Variants in DACH1 observed in about 807,000 individuals in gnomAD.
DACH1 encodes the protein dachshund family transcription factor 1, also known as dachshund homolog 1.
DACH1 carries 12 observed loss-of-function variants against 54.2 expected under a neutral mutation model. The observed-to-expected ratio is 0.22, with a 90% confidence interval of 0.14 to 0.36. The LOEUF (loss-of-function observed/expected upper bound fraction) is 0.36. Among genes scored for constraint, DACH1 ranks in the 10% least tolerant of loss-of-function variants. DACH1 has a pLI of 1.00. For missense variants in DACH1, 805 were observed against 929.8 expected, an observed-to-expected ratio of 0.87 and a Z score of 1.75; for synonymous variants, 386 against 366.2, an observed-to-expected ratio of 1.05 and a Z score of -0.62.
chr13:71,531,853 T>C (rs760118400), intron 6 of DACH1, among the ~76,000 whole-genome samples: 1 of 151,962 alleles, frequency 6.6e-6, no homozygotes, highest in African/African-American at 2.4e-5. Context: ...TTCGATCACA[T>C]TGAGTATTTA....
chr13:71,717,806 C>T (rs867397706), intron 1 of DACH1, among the ~76,000 whole-genome samples: 7 of 151,762 alleles, frequency 4.6e-5, no homozygotes, highest in African/African-American at 1.7e-4. Context: ...ATCATAAGCT[C>T]ATCAGTCAGA....
At chr13:71,773,284 T>C (rs1206024517) in intron 1 of DACH1, among the ~76,000 whole-genome samples, 1 of 151,942 alleles carries the variant, frequency 6.6e-6, no homozygotes, top group East Asian at 1.9e-4. Context: ...TGTTCTTTTA[T>C]CTAATGACAT....
chr13:71,698,512 T>C (rs1881945968), intron 1 of DACH1, among the ~76,000 whole-genome samples: 1 of 151,884 alleles, frequency 6.6e-6, no homozygotes, highest in African/African-American at 2.4e-5. Context: ...ATCTAAAAAT[T>C]CATTCTGAAG....
chr13:71,814,577 T>A (rs1328804524), intron 1 of DACH1, among the ~76,000 whole-genome samples: 1 of 152,234 alleles, frequency 6.6e-6, no homozygotes, highest in East Asian at 1.9e-4. Flanking sequence ...AATTAGATTG[T>A]AATGGACTCT....
At chr13:71,680,168 AT>A (rs1880812167) in intron 2 of DACH1, among the ~76,000 whole-genome samples, 1 of 152,326 alleles carries the variant, frequency 6.6e-6, no homozygotes. Flanking sequence ...GAAAAACATG[AT>A]TAAATAAAGT....
intron 1 of DACH1, among the ~76,000 whole-genome samples, chr13:71,725,587 G>T (rs1315154183): frequency 6.6e-6 from 1 of 151,796 alleles, no homozygotes; most frequent in East Asian, 1.9e-4. Context: ...GAATTATATT[G>T]CCATTTTATG....
At chr13:71,509,061 G>A (rs146079728) in intron 6 of DACH1, among the ~76,000 whole-genome samples, 2 of 152,198 alleles carry the variant, frequency 1.3e-5, no homozygotes, top group Non-Finnish European at 2.9e-5. Flanking sequence ...GTGTATAAAT[G>A]TACTATTAGT....
At chr13:71,518,544 A>G (rs1881331761) in intron 6 of DACH1, among the ~76,000 whole-genome samples, 1 of 151,872 alleles carries the variant, frequency 6.6e-6, no homozygotes, top group South Asian at 2.1e-4. Context: ...TTTTATAGCA[A>G]TTCCATTAGG....
In DACH1 at chr13:71,866,663, G is replaced by A. The variant is rs201008975; in HGVS notation, c.107C>T (p.Ala36Val). Residue 36 changes from alanine (A) to valine (V), a missense_variant, in exon 1 of 11, where the codon GCG (alanine) becomes GTG (valine). Ala to Val is a moderately conservative substitution (Grantham distance 64). Transcript: ENST00000613252. ...SSGTTTSTSS[A>V]TSSPAPSIGP... ...GATGGAAGGAGCCGGAGACGAAGTCGCCGAAGAGGTGGAGGTGGTGGTGCC... is the reference window on the plus strand; with the variant it reads ...GATGGAAGGAGCCGGAGACGAAGTCACCGAAGAGGTGGAGGTGGTGGTGCC... 5.7e-4 allele frequency: 818 copies of A among 1,437,816 alleles called. No individual in the cohort carries two copies. Among genetic ancestry groups the A allele is most frequent in the Non-Finnish European group, 7.0e-4 (757 of 1,087,176 alleles). 89.1% of individuals were successfully genotyped at this position (1,437,816 alleles called of 1,614,324 possible).
intron 9 of DACH1, 143 bp downstream of exon 9, chr13:71,475,563 T>A: frequency 9.7e-7 from 1 of 1,029,378 alleles, no homozygotes; most frequent in Non-Finnish European, 1.4e-6. Flanking sequence ...CCCCAACACG[T>A]TCTTCCCACC....
intron 2 of DACH1, among the ~76,000 whole-genome samples, chr13:71,662,651 C>G (rs1879584553): frequency 6.6e-6 from 1 of 151,992 alleles, no homozygotes; most frequent in Admixed American, 6.6e-5. Flanking sequence ...CTTGAATCTT[C>G]AAACAGCCAC....
At chr13:71,645,028 T>C (rs547089295) in intron 2 of DACH1, among the ~76,000 whole-genome samples, 3 of 152,096 alleles carry the variant, frequency 2.0e-5, no homozygotes, top group African/African-American at 7.2e-5. Flanking sequence ...ACAAACACGG[T>C]GTTTCGAAAA....
chr13:71,614,092 T>C (rs1419166167), intron 3 of DACH1, among the ~76,000 whole-genome samples: 6 of 152,180 alleles, frequency 3.9e-5, no homozygotes, highest in Admixed American at 6.5e-5. Flanking sequence ...TAAGATTGTA[T>C]TTATTTATAA....
chr13:71,812,607 T>A (rs1887757729), intron 1 of DACH1, among the ~76,000 whole-genome samples: 2 of 150,766 alleles, frequency 1.3e-5, no homozygotes, highest in African/African-American at 5.0e-5. Flanking sequence ...ACAGGAAAAT[T>A]AACAGTTCCC....
chr13:71,827,456 T>C (rs1211022936), intron 1 of DACH1, among the ~76,000 whole-genome samples: 2 of 152,114 alleles, frequency 1.3e-5, no homozygotes, highest in Admixed American at 6.6e-5. Context: ...GTAAGGCATC[T>C]TTGGGTTGCA....
intron 6 of DACH1, among the ~76,000 whole-genome samples, chr13:71,548,640 C>T (rs753305535): frequency 6.6e-6 from 1 of 152,088 alleles, no homozygotes; most frequent in Admixed American, 6.6e-5. Flanking sequence ...CTTTCAGGCA[C>T]TGTGTGGTGC....
At chr13:71,606,021 C>T (rs1359574681) in intron 3 of DACH1, among the ~76,000 whole-genome samples, 1 of 152,032 alleles carries the variant, frequency 6.6e-6, no homozygotes, top group South Asian at 2.1e-4. Flanking sequence ...TGTTGTGATA[C>T]AGTGATCAAC....
In DACH1 at chr13:71,713,464, C is replaced by CCA. The variant is rs1459552774; in HGVS notation, c.849-31556_849-31555dup. Among the ~76,000 whole-genome samples the CCA allele has an allele frequency of 2.0e-5, 3 of 151,918 alleles. No homozygotes were observed. The East Asian group carries it at 5.8e-4, about 29-fold the overall frequency. On this transcript the variant is annotated intron_variant, in intron 1 of 10. Coordinates refer to ENST00000613252, the MANE Select transcript of DACH1 (RefSeq NM_080759.6). ...GTTTATTTGCAGATAAGGCCTAATCCCACACACACAAAAAAAGCTTCTGGA... is the reference window on the plus strand; with the variant it reads ...GTTTATTTGCAGATAAGGCCTAATCCCACACACACACAAAAAAAGCTTCTGGA...
chr13:71,459,056 G>A (rs951609136), intron 10 of DACH1, among the ~76,000 whole-genome samples: 1 of 151,792 alleles, frequency 6.6e-6, no homozygotes, highest in Non-Finnish European at 1.5e-5. Flanking sequence ...GTTTGCCAAA[G>A]TTCATTCCAC....
Sources: allele counts gnomAD v4.1 joint callset (sites outside exome capture counted in the v4.1 genomes callset), GRCh38; gene constraint gnomAD v4.1.1; transcripts MANE v1.5; gene names NCBI Gene and HGNC (gene_info 2026-07-23, HGNC 2026-07-21).